Variants in TTC3 observed in about 807,000 individuals in gnomAD.
TTC3 encodes the protein tetratricopeptide repeat domain 3, also known as E3 ubiquitin-protein ligase TTC3.
TTC3 carries 180 observed loss-of-function variants against 249.6 expected under a neutral mutation model. That is an observed-to-expected ratio of 0.72 (90% confidence interval 0.64 to 0.82). The LOEUF is 0.82. TTC3 is among the 40% of genes least tolerant of loss of function. The pLI is 0.00. For synonymous variants in TTC3, 717 were observed against 805.0 expected (o/e 0.89, Z 1.85); for missense variants, 2,061 against 2,398.4 (o/e 0.86, Z 2.94).
intron 41 of TTC3, among the ~76,000 whole-genome samples, chr21:37,192,522 T>TGTGTGC (rs1321674606): frequency 2.0e-5 from 3 of 151,826 alleles, no homozygotes; most frequent in Non-Finnish European, 4.4e-5. Context: ...TGTGTGTGTG[T>TGTGTGC]GTTGTATATG....
intron 11 of TTC3, among the ~76,000 whole-genome samples, chr21:37,116,059 T>C (rs181075056): frequency 6.6e-6 from 1 of 152,354 alleles, no homozygotes; most frequent in East Asian, 1.9e-4. Context: ...CAGTATAATA[T>C]GAGCTCCACA....
intron 11 of TTC3, among the ~76,000 whole-genome samples, chr21:37,111,588 A>G (rs1034649578): frequency 2.0e-5 from 3 of 152,226 alleles, no homozygotes; most frequent in Admixed American, 6.5e-5. Context: ...AGACTCCCAC[A>G]GAATAATAAT....
In TTC3 at chr21:37,166,339, C is replaced by G. The variant is rs144028387; in HGVS notation, c.4125C>G (p.Asp1375Glu). Residue 1375 changes from aspartate to glutamate, a missense_variant, in exon 33 of 46, where the codon GAC (aspartate) becomes GAG (glutamate). Physicochemically the swap from Asp to Glu is conservative, Grantham distance 45. Around this residue, in one of 3 missense-constraint regions of TTC3, gnomAD observed 1,040 missense variants for 1,186.1 expected, o/e 0.88. Coordinates refer to ENST00000355666, the Ensembl canonical transcript of TTC3. ...TGGTGCCGTCTTTTGTAGCCAATGA[C>G]AGAGCAGATAAAAATGCTGCTGCCT... The G allele has an allele frequency of 1.5e-5, 25 of 1,614,050 alleles. No individual in the cohort carries two copies. In the African/African-American group the frequency reaches 2.5e-4, roughly 16 times the overall value.
At chr21:37,191,973 G>C (rs1191990463) in intron 40 of TTC3, 139 bp from the exon 41 acceptor site, 1 of 570,048 alleles carries the variant, frequency 1.8e-6, no homozygotes, top group Non-Finnish European at 3.1e-6. Flanking sequence ...GTTTGAAAAG[G>C]CTTTGGAGCA....
intron 31 of TTC3, among the ~76,000 whole-genome samples, chr21:37,163,806 T>C (rs2080997447): frequency 6.6e-6 from 1 of 152,236 alleles, no homozygotes; most frequent in African/African-American, 2.4e-5. Flanking sequence ...AGAATTTTGC[T>C]CTTTGGAGCA....
chr21:37,164,464 G>A (rs1418312674), intron 32 of TTC3, among the ~76,000 whole-genome samples: 5 of 151,490 alleles, frequency 3.3e-5, no homozygotes, highest in Admixed American at 2.0e-4. Flanking sequence ...TCAGCCTCCC[G>A]AGTAGCTGGG....
chr21:37,149,273 C>T (rs988638901), intron 23 of TTC3, among the ~76,000 whole-genome samples: 5 of 152,164 alleles, frequency 3.3e-5, no homozygotes, highest in African/African-American at 1.2e-4. Flanking sequence ...TCCTACACTT[C>T]TTAGGCTTAT....
chr21:37,082,455 T>C, intron 1 of TTC3: 1 of 984,384 alleles, frequency 1.0e-6, no homozygotes, highest in Non-Finnish European at 1.2e-6. Context: ...AATTTGAGGA[T>C]GCTTGCTTTC....
chr21:37,096,387 A>G (rs1475371087), intron 9 of TTC3, among the ~76,000 whole-genome samples, 194 bp from the exon 10 acceptor site: 1 of 152,230 alleles, frequency 6.6e-6, no homozygotes, highest in Non-Finnish European at 1.5e-5. Flanking sequence ...AGGTTGGTTC[A>G]AACAAAGTTA....
chr21:37,073,315 G>GGCGGCGGCT (rs71328547), exon 1 of TTC3: 71 of 382,464 alleles, frequency 1.9e-4, no homozygotes, highest in Non-Finnish European at 2.2e-4. Context: ...CGGCGGCGGC[G>GGCGGCGGCT]GCTGCTGCTG....
chr21:37,122,421 T>TATATATATATATATTATATATATATA (rs1407068030), intron 12 of TTC3, among the ~76,000 whole-genome samples: 1 of 36,562 alleles, frequency 2.7e-5, no homozygotes, highest in Non-Finnish European at 6.4e-5. Flanking sequence ...ATATATATAA[T>TATATATATATATATTATATATATATA]ATATATATAT....
chr21:37,124,897 C>T (rs2076933354), intron 14 of TTC3, among the ~76,000 whole-genome samples, 155 bp downstream of exon 14: 1 of 152,116 alleles, frequency 6.6e-6, no homozygotes, highest in Non-Finnish European at 1.5e-5. Context: ...AATAAATAAT[C>T]TGAGTATCTC....
exon 2 of TTC3, chr21:37,087,372 C>G (rs767504600): frequency 6.2e-7 from 1 of 1,613,900 alleles, no homozygotes; most frequent in South Asian, 1.1e-5. Flanking sequence ...TGATTATGTT[C>G]GTGTGACTCA....
chr21:37,147,731 A>ATTTT (rs372841981), intron 22 of TTC3, 128 bp downstream of exon 22: 61 of 847,622 alleles, frequency 7.2e-5, no homozygotes, highest in African/African-American at 5.8e-4. Context: ...CTTTCCCAGG[A>ATTTT]TTTTTTTTTT....
chr21:37,101,184 T>C (rs920176637), intron 10 of TTC3: 4 of 152,256 alleles, frequency 2.6e-5, no homozygotes, highest in African/African-American at 9.6e-5. Context: ...TTCATTTAAG[T>C]ATTTACCCAT....
At chr21:37,133,193 T>C (rs1350250274) in intron 17 of TTC3, among the ~76,000 whole-genome samples, 1 of 152,198 alleles carries the variant, frequency 6.6e-6, no homozygotes, top group African/African-American at 2.4e-5. Context: ...AGTTTCATTA[T>C]ACTTATTCTA....
chr21:37,111,631 A>G (rs1214563896), intron 11 of TTC3, among the ~76,000 whole-genome samples: 2 of 152,156 alleles, frequency 1.3e-5, no homozygotes, highest in Non-Finnish European at 2.9e-5. Context: ...TCAACATTAG[A>G]CAGATCAACG....
chr21:37,159,818 C>A, intron 29 of TTC3, 73 bp downstream of exon 29: 2 of 1,440,632 alleles, frequency 1.4e-6, no homozygotes, highest in Non-Finnish European at 2.0e-6. Flanking sequence ...GGGACCCAGG[C>A]CAGTGTTTAT....
intron 35 of TTC3, among the ~76,000 whole-genome samples, chr21:37,181,415 G>A (rs556144109): frequency 6.6e-6 from 1 of 152,208 alleles, no homozygotes; most frequent in Non-Finnish European, 1.5e-5. Flanking sequence ...CCAGCAGCAA[G>A]GCATACAAAT....
Sources: gnomAD v4.1 joint callset for allele counts (sites outside exome capture counted in the v4.1 genomes callset) on GRCh38, gnomAD v4.1.1 for gene constraint, gnomAD v4.1.1 regional missense constraint, MANE v1.5 for transcripts, NCBI Gene and HGNC (gene_info 2026-07-23, HGNC 2026-07-21) for gene names.